The following ALG14 variants were observed in gnomAD, a reference collection of about 807,000 sequenced individuals.
The protein encoded by ALG14 is UDP-N-acetylglucosamine transferase subunit ALG14.
In ALG14, 17 loss-of-function variants were observed where a neutral mutation model predicts 22.8. The observed-to-expected ratio is 0.75, with a 90% confidence interval of 0.51 to 1.12. The LOEUF is 1.12. Among genes scored for constraint, ALG14 ranks in the 50% most tolerant of loss-of-function variants. ALG14 has a pLI of 0.00. For synonymous variants in ALG14, 89 were observed against 103.7 expected, an observed-to-expected ratio of 0.86 and a Z score of 0.86; for missense variants, 288 against 271.8, an observed-to-expected ratio of 1.06 and a Z score of -0.42.
intron 1 of ALG14, among the ~76,000 whole-genome samples, chr1:95,069,639 C>T (rs1675494724): frequency 6.6e-6 from 1 of 152,108 alleles, no homozygotes; most frequent in South Asian, 2.1e-4. Flanking sequence ...AAACAAATCC[C>T]TTAGTGTGTA....
At chr1:95,030,178 G>T (rs988995863) in intron 2 of ALG14, among the ~76,000 whole-genome samples, 2 of 152,102 alleles carry the variant, frequency 1.3e-5, no homozygotes, top group African/African-American at 4.8e-5. Flanking sequence ...TGAAGTTTGG[G>T]AAAGAAATAA....
In ALG14 at chr1:94,982,774, T is replaced by TA. The variant is rs886409306; in HGVS notation, c.*301dup. On this transcript the variant is annotated 3_prime_UTR_variant, in exon 4 of 4. Transcript: ENST00000370205. Reference sequence around the variant, plus strand: ...CATACAAACTCTATATTTAGTTCTGTAAAAAAAATACTACTAAAACAGCCA... The same window carrying TA: ...CATACAAACTCTATATTTAGTTCTGTAAAAAAAAATACTACTAAAACAGCCA... 33 of 245,452 alleles carry TA rather than the reference T, an allele frequency of 1.3e-4. No homozygotes were observed. The highest frequency in any genetic ancestry group is 2.1e-4 in the Admixed American group (4 of 19,324). 15.2% of individuals were successfully genotyped at this position (245,452 alleles called of 1,614,324 possible). A position where few individuals can be genotyped will look rare whatever the true frequency, so the allele number is the denominator to read the frequency against.
At chr1:94,998,893 T>C (rs1242852771) in intron 3 of ALG14, among the ~76,000 whole-genome samples, 1 of 152,034 alleles carries the variant, frequency 6.6e-6, no homozygotes. Context: ...AATCAAGAAA[T>C]GGTATTGTAT....
At chr1:95,048,235 G>A (rs976727837) in intron 2 of ALG14, among the ~76,000 whole-genome samples, 1 of 152,158 alleles carries the variant, frequency 6.6e-6, no homozygotes, top group Non-Finnish European at 1.5e-5. Flanking sequence ...TAATTAAGTG[G>A]CCTGAAAGTT....
At chr1:95,042,884 T>C (rs1286643219) in intron 2 of ALG14, among the ~76,000 whole-genome samples, 1 of 152,218 alleles carries the variant, frequency 6.6e-6, no homozygotes, top group Non-Finnish European at 1.5e-5. Context: ...TTGTTCCTTC[T>C]GAATAATGGA....
intron 3 of ALG14, among the ~76,000 whole-genome samples, chr1:94,996,367 G>A (rs568457978): frequency 6.6e-6 from 1 of 152,318 alleles, no homozygotes; most frequent in South Asian, 2.1e-4. Flanking sequence ...GGGTCTGTGT[G>A]TGTTAAAGAG....
chr1:94,995,651 A>G (rs1437906297), intron 3 of ALG14, among the ~76,000 whole-genome samples: 2 of 152,202 alleles, frequency 1.3e-5, no homozygotes, highest in Non-Finnish European at 2.9e-5. Context: ...GGGGCAGAGG[A>G]TGCAGTGAGC....
At chr1:95,062,934 T>G (rs1232531488) in intron 2 of ALG14, among the ~76,000 whole-genome samples, 1 of 152,204 alleles carries the variant, frequency 6.6e-6, no homozygotes, top group Non-Finnish European at 1.5e-5. Context: ...AAAGCATTCC[T>G]TTTTCTCCAC....
intron 2 of ALG14, among the ~76,000 whole-genome samples, chr1:95,060,367 C>G (rs1402463029): frequency 6.6e-6 from 1 of 150,954 alleles, no homozygotes; most frequent in South Asian, 2.1e-4. Flanking sequence ...GGAAGTTGAA[C>G]AGAGATGCTT....
In ALG14 at chr1:95,053,369, T is replaced by G. The variant is rs182465171; in HGVS notation, c.288+11497A>C. Among the ~76,000 whole-genome samples the G allele has an allele frequency of 2.0e-3, 310 of 152,210 alleles. 2 individuals are homozygous for G. The highest frequency in any genetic ancestry group is 3.5e-3 in the Non-Finnish European group (236 of 67,988). On this transcript the variant is annotated intron_variant, in intron 2 of 3. Coordinates refer to ENST00000370205, the MANE Select transcript of ALG14 (RefSeq NM_144988.4). Reference sequence around the variant, plus strand: ...ATAGAATCAAATTTGAGCTTCATAATGATTAAAAATAATTCACTATGTAGA... The same window carrying G: ...ATAGAATCAAATTTGAGCTTCATAAGGATTAAAAATAATTCACTATGTAGA...
At chr1:95,011,713 C>T (rs547868055) in intron 3 of ALG14, among the ~76,000 whole-genome samples, 1 of 152,070 alleles carries the variant, frequency 6.6e-6, no homozygotes, top group African/African-American at 2.4e-5. Context: ...CCGTGCCCAG[C>T]CGAAAAATAA....
chr1:95,067,409 T>C (rs150777815), intron 1 of ALG14: 4 of 152,386 alleles, frequency 2.6e-5, no homozygotes, highest in Non-Finnish European at 4.4e-5. Flanking sequence ...CATAGTTTAC[T>C]CGGCATGTGT....
chr1:95,000,511 G>A (rs1175954150), intron 3 of ALG14, among the ~76,000 whole-genome samples: 10 of 139,738 alleles, frequency 7.2e-5, no homozygotes, highest in Non-Finnish European at 1.2e-4. Flanking sequence ...ACTCCAGCCT[G>A]CGTAACAGAG....
chr1:94,989,225 G>A (rs554829675), intron 3 of ALG14, among the ~76,000 whole-genome samples: 293 of 152,196 alleles, frequency 1.9e-3, no homozygotes, highest in Non-Finnish European at 3.4e-3. Context: ...TTAATTTTGC[G>A]TTAAACTATA....
intron 2 of ALG14, among the ~76,000 whole-genome samples, chr1:95,040,274 T>C (rs910621230): frequency 6.6e-6 from 1 of 152,176 alleles, no homozygotes; most frequent in Admixed American, 6.5e-5. Flanking sequence ...GAGGGGTTGA[T>C]TCACACAAGG....
At chr1:95,048,393 G>A (rs565158184) in intron 2 of ALG14, among the ~76,000 whole-genome samples, 1 of 152,240 alleles carries the variant, frequency 6.6e-6, no homozygotes, top group East Asian at 1.9e-4. Context: ...GTGAAAAGGG[G>A]CCAACTCATG....
chr1:94,983,619 G>A (rs1391735270), intron 3 of ALG14: 1 of 283,996 alleles, frequency 3.5e-6, no homozygotes, highest in Non-Finnish European at 6.6e-6. Context: ...GCTCTTCTCT[G>A]ACTGCTCTGT....
intron 1 of ALG14, among the ~76,000 whole-genome samples, chr1:95,065,772 A>G (rs968406537): frequency 1.3e-5 from 2 of 152,248 alleles, no homozygotes; most frequent in Non-Finnish European, 2.9e-5. Context: ...AGGTCCTCAA[A>G]TATTTATCAG....
rs1447233474 is a variant in ALG14, at chr1:94,976,036, A to AG, written c.*7039_*7040insC. The stretch of plus-strand genomic sequence containing the variant: ...TGTCTCAAAAAAAAAAAAAAAAAAA[A>AG]AAAAGAAAGAAGAGCCTCCTTAACA... On this transcript the variant is annotated 3_prime_UTR_variant, in exon 4 of 4. Transcript: ENST00000370205. 5 of 151,650 alleles carry AG rather than the reference A, an allele frequency of 3.3e-5. No homozygotes were observed. The highest frequency in any genetic ancestry group is 2.1e-4 in the South Asian group (1 of 4,778). The allele number at this position is 151,650 out of a possible 1,614,324, so 9.4% of individuals were successfully genotyped here.
Sources: gnomAD v4.1 joint callset for allele counts (sites outside exome capture counted in the v4.1 genomes callset) on GRCh38, gnomAD v4.1.1 for gene constraint, MANE v1.5 for transcripts, NCBI Gene and HGNC (gene_info 2026-07-23, HGNC 2026-07-21) for gene names.